UNC13D: variants seen among roughly 807,000 people sequenced by gnomAD.
UNC13D encodes protein unc-13 homolog D.
UNC13D carries 115 observed loss-of-function variants against 151.7 expected under a neutral mutation model. The ratio of observed to expected loss-of-function variants is 0.76; its 90% confidence interval spans 0.65 to 0.88. The LOEUF is 0.88. Among genes scored for constraint, UNC13D ranks in the 40% least tolerant of loss-of-function variants. UNC13D has a pLI of 0.00. For synonymous variants in UNC13D, 588 were observed against 612.2 expected (o/e 0.96, Z 0.58); for missense variants, 1,369 against 1,438.7 (o/e 0.95, Z 0.78).
In UNC13D at chr17:75,827,972, G is replaced by A. The variant is rs1216033099; in HGVS notation, c.3266C>T (p.Ala1089Val). The part of the protein sequence containing the change: ...KQASQHALRP[A>V]P ...CACCGCAAACCTCTACGGCTACGGT[G>A]CCGGCCGCAAGGCATGCTGGGAGGC... Residue 1089 changes from alanine (A) to valine (V), a missense_variant, in exon 32 of 32, where the codon GCA becomes GTA. By Grantham distance (64) the Ala-to-Val change is moderately conservative (BLOSUM62 0). Around this residue, in one of 3 missense-constraint regions of UNC13D, gnomAD observed 807 missense variants for 795.5 expected, o/e 1.01. Coordinates refer to ENST00000207549, the MANE Select transcript of UNC13D (RefSeq NM_199242.3). 1 of 1,606,910 alleles carries A rather than the reference G, an allele frequency of 6.2e-7. No homozygotes were observed. The highest frequency in any genetic ancestry group is 8.5e-7 in the Non-Finnish European group (1 of 1,177,978).
At position 75,840,380 on chromosome 17, in the gene UNC13D, G is replaced by A; in HGVS notation, c.754-51C>T. 2.5e-6 allele frequency: 4 copies of A among 1,608,546 alleles called. No homozygotes were observed. The South Asian group carries it at 4.4e-5, about 18-fold the overall frequency. ...TGAGCGTCAGAACCTCATAGAGTCG[G>A]GGCAGCGGAGGCGACAGGAGGTGGA... On this transcript the variant is annotated intron_variant, in intron 9 of 31. Coordinates refer to ENST00000207549, the MANE Select transcript of UNC13D (RefSeq NM_199242.3). The surrounding 1 kb of genome is among the most constrained non-coding windows in gnomAD (Gnocchi z 4.6).
chr17:75,830,789 A>T, intron 27 of UNC13D, 128 bp from the exon 28 acceptor site: 6 of 1,224,026 alleles, frequency 4.9e-6, no homozygotes, highest in Non-Finnish European at 7.0e-6. Context: ...GTCATGGGAC[A>T]ACGGGCTGGG....
intron 30 of UNC13D, among the ~76,000 whole-genome samples, chr17:75,829,399 G>T: frequency 6.6e-6 from 1 of 151,698 alleles, no homozygotes; most frequent in Admixed American, 6.6e-5. Flanking sequence ...GGGTTCAAGT[G>T]GTTCTCCTGC....
intron 23 of UNC13D, 47 bp downstream of exon 23, chr17:75,834,278 G>C (rs748465283): frequency 1.3e-6 from 2 of 1,585,498 alleles, no homozygotes; most frequent in Non-Finnish European, 1.7e-6. Context: ...AGCCAGGTAG[G>C]CTGAAGACGG....
In UNC13D at chr17:75,837,001, C is replaced by T. The variant is rs1340367066; in HGVS notation, c.1056-83G>A. On this transcript the variant is annotated intron_variant, in intron 12 of 31. Transcript: ENST00000207549. ...TCACCCGGCCTCAGGTGGGGGGAAT[C>T]GCCTCCCATCCACCAGTACAGGCTG... 3.0e-5 allele frequency: 22 copies of T among 736,694 alleles called. No individual in the cohort carries two copies. The African/African-American group carries it at 1.5e-3, about 50-fold the overall frequency. The allele number at this position is 736,694 out of a possible 1,614,324, so 45.6% of individuals were successfully genotyped here. A position where few individuals can be genotyped will look rare whatever the true frequency, so the allele number is the denominator to read the frequency against.
intron 30 of UNC13D, among the ~76,000 whole-genome samples, 164 bp from the exon 31 acceptor site, chr17:75,829,147 G>T (rs142571012): frequency 3.9e-5 from 6 of 152,212 alleles, no homozygotes; most frequent in Admixed American, 3.9e-4. Context: ...TGCTCTGACC[G>T]TGGGCTGATG....
chr17:75,828,398 C>T (rs994298299), intron 31 of UNC13D, among the ~76,000 whole-genome samples: 3 of 152,184 alleles, frequency 2.0e-5, no homozygotes, highest in Non-Finnish European at 2.9e-5. Context: ...TTTCATGCCT[C>T]GGTTTACTCA....
At chr17:75,835,302 A>T in intron 20 of UNC13D, 107 bp downstream of exon 20, 1 of 1,453,828 alleles carries the variant, frequency 6.9e-7, no homozygotes, top group South Asian at 1.2e-5. Context: ...CCCAAAAGGG[A>T]TGTTCAGAGC....
chr17:75,839,882 G>T lies in UNC13D; in HGVS notation c.1012C>A (p.His338Asn), dbSNP rs769409657. The T allele has an allele frequency of 6.2e-7, 1 of 1,613,954 alleles. No homozygotes were observed. Among genetic ancestry groups the T allele is most frequent in the Non-Finnish European group, 8.5e-7 (1 of 1,180,016 alleles). ...SPQAATVLFL[H>N]ATQKDLSDFH... ...TCGGATAGGTCCTTCTGTGTGGCGT[G>T]CAGAAAGAGGACGGTGGCAGCCTGG... The change falls in exon 12 of 32, where the codon CAC (histidine) becomes AAC (asparagine). Residue 338 changes from histidine (H) to asparagine (N), a missense_variant. His to Asn is a moderately conservative substitution (Grantham distance 68). Coordinates refer to ENST00000207549, the MANE Select transcript of UNC13D (RefSeq NM_199242.3).
intron 31 of UNC13D, among the ~76,000 whole-genome samples, chr17:75,828,309 C>T (rs1433699742): frequency 6.6e-6 from 1 of 152,232 alleles, no homozygotes; most frequent in Non-Finnish European, 1.5e-5. Context: ...ACTGTCCTGA[C>T]TGCAGCGAGG....
rs2064881654 is a variant in UNC13D at position 75,832,894 on chromosome 17, GC to G, written c.2447+71del. On this transcript the variant is annotated intron_variant, in intron 25 of 31. Transcript: ENST00000207549. This position sits in a 1 kb window ranked among gnomAD's most constrained non-coding sequence, Gnocchi z 4.3. ...TACACCCCTCAGAACGGATGCTGGG[GC>G]CCAGGAAGGAGGGGCCGTGGGAGGA... is the stretch of plus-strand genomic sequence containing the variant. The G allele has an allele frequency of 2.1e-6, 3 of 1,446,950 alleles. No homozygotes were observed. The highest frequency in any genetic ancestry group is 2.0e-5 in the Admixed American group (1 of 49,672). The allele number at this position is 1,446,950 out of a possible 1,614,324, so 89.6% of individuals were successfully genotyped here.
chr17:75,844,071 A>AG, intron 1 of UNC13D, 150 bp downstream of exon 1: 13 of 1,470,842 alleles, frequency 8.8e-6, no homozygotes, highest in Non-Finnish European at 1.2e-5. Context: ...CTGCTGGCCC[A>AG]GGGGGCTCTC....
rs1475582136 is a variant in UNC13D, at chr17:75,827,537, T to C, written c.*428A>G. ...CATCTTTGGCAGGGTCCCCTCTCCC[T>C]TTTCCAGGAGACTCTGTGCCTGTAG... On this transcript the variant is annotated 3_prime_UTR_variant, in exon 32 of 32. Coordinates refer to ENST00000207549, the MANE Select transcript of UNC13D (RefSeq NM_199242.3). 1 of 1,532,534 alleles carries C rather than the reference T, an allele frequency of 6.5e-7. No homozygotes were observed. The allele number at this position is 1,532,534 out of a possible 1,614,324, so 94.9% of individuals were successfully genotyped here.
At chr17:75,838,368 G>GC (rs35009502) in intron 12 of UNC13D, among the ~76,000 whole-genome samples, 1 of 151,826 alleles carries the variant, frequency 6.6e-6, no homozygotes, top group Admixed American at 6.6e-5. Flanking sequence ...ACAGACATGC[G>GC]CCCCCACACC....
chr17:75,828,655 G>T, intron 31 of UNC13D, 132 bp downstream of exon 31: 1 of 1,017,042 alleles, frequency 9.8e-7, no homozygotes, highest in Non-Finnish European at 1.4e-6. Context: ...CCGAGAGATG[G>T]GCCGTGGCTG....
rs560990369 is a variant in UNC13D, at chr17:75,840,559, C to T, written c.701G>A (p.Arg234Gln). The T allele has an allele frequency of 1.9e-5, 30 of 1,614,058 alleles. No homozygotes were observed. Among genetic ancestry groups the T allele is most frequent in the Middle Eastern group, 1.6e-4 (1 of 6,062 alleles). ...AAAGTCGTCCTGGCCTTTGTCCTTCCGGGCCTCTTTAAAGATCCTGCGTCA... is the reference window on the plus strand; with the variant it reads ...AAAGTCGTCCTGGCCTTTGTCCTTCTGGGCCTCTTTAAAGATCCTGCGTCA... The part of the protein sequence containing the change: ...HGLRRIFKEA[R>Q]KDKGQDDFLG... The change falls in exon 9 of 32, where the codon CGG becomes CAG. Residue 234 changes from arginine (R) to glutamine (Q), a missense_variant. Coordinates refer to ENST00000207549, the MANE Select transcript of UNC13D (RefSeq NM_199242.3). The surrounding 1 kb of genome is among the most constrained non-coding windows in gnomAD (Gnocchi z 4.6).
In UNC13D at chr17:75,830,089, C is replaced by T. The variant is rs144744401; in HGVS notation, c.2893G>A (p.Ala965Thr). 1,636 of 1,580,788 alleles carry T rather than the reference C, an allele frequency of 1.0e-3. No homozygotes were observed. The highest frequency in any genetic ancestry group is 1.3e-3 in the Non-Finnish European group (1,566 of 1,163,456). Residue 965 changes from alanine (A) to threonine (T), a missense_variant, in exon 30 of 32, where the codon GCC becomes ACC. Ala to Thr is a moderately conservative substitution (Grantham distance 58, BLOSUM62 0). Coordinates refer to ENST00000207549, the MANE Select transcript of UNC13D (RefSeq NM_199242.3). ...TTCTTGTGCTTCTGGGTCTCCCGGG[C>T]GGCCAGCTCAGGGAACTCATGCCTG... ...EPRHEFPELA[A>T]RETQKHKKDL...
rs1457768794 is a variant in UNC13D, at chr17:75,831,166, G to T, written c.2557C>A (p.Leu853Met). ...CCCTCAGCGTGGAAGCAGATCTCCA[G>T]GTTCTGGGGGAGATATCAGAGGTGA... Reference protein sequence around the residue: ...SNRLKIALQNLEICFHAEGCG... With the variant: ...SNRLKIALQNMEICFHAEGCG... The change falls in exon 27 of 32, where the codon CTG becomes ATG. Residue 853 changes from leucine to methionine, a missense_variant. Transcript: ENST00000207549. 1.9e-6 allele frequency: 3 copies of T among 1,614,004 alleles called. No homozygotes were observed. Among genetic ancestry groups the T allele is most frequent in the East Asian group, 4.5e-5 (2 of 44,888 alleles).
rs150861045 is a variant in UNC13D at position 75,834,657 on chromosome 17, G to C, written c.2052C>G (p.Leu684=). The C allele has an allele frequency of 1.2e-3, 1,938 of 1,613,778 alleles. 9 individuals are homozygous for C. The highest frequency in any genetic ancestry group is 8.6e-3 in the Middle Eastern group (52 of 6,062). The change falls in exon 22 of 32, where the codon CTC becomes CTG. Residue 684 remains leucine, a synonymous_variant. Coordinates refer to ENST00000207549, the MANE Select transcript of UNC13D (RefSeq NM_199242.3). ...CSLIKARARE[L]SSGQKDQGQA... The stretch of plus-strand genomic sequence containing the variant: ...GGCCTTGGTCCTTCTGGCCTGAAGA[G>C]AGCTCGCGGGCCCGGGCCTTTATAA...
Sources: allele counts gnomAD v4.1 joint callset (sites outside exome capture counted in the v4.1 genomes callset), GRCh38; gene constraint gnomAD v4.1.1; regional missense constraint gnomAD v4.1.1; non-coding constraint Gnocchi (gnomAD v3.1); transcripts MANE v1.5; gene names NCBI Gene and HGNC (gene_info 2026-07-23, HGNC 2026-07-21).